PROSER2: variants seen among roughly 807,000 people sequenced by gnomAD.
PROSER2 encodes the protein proline and serine-rich protein 2.
In PROSER2, 18 loss-of-function variants were observed where a neutral mutation model predicts 14.6. The ratio of observed to expected loss-of-function variants is 1.23; its 90% confidence interval spans 0.85 to 1.83. The LOEUF is 1.83. Among genes scored for constraint, PROSER2 ranks in the 40% most tolerant of loss-of-function variants. The pLI, the probability that PROSER2 is intolerant of heterozygous loss-of-function variation, is 0.00. For missense variants in PROSER2, 823 were observed against 629.8 expected (o/e 1.31, Z -3.28); for synonymous variants, 367 against 286.4 (o/e 1.28, Z -2.84).
In PROSER2 at chr10:11,838,335, A is replaced by G. The variant is rs756447008; in HGVS notation, c.-81-13662A>G. On this transcript the variant is annotated intron_variant, in intron 1 of 3. Coordinates refer to ENST00000277570, the MANE Select transcript of PROSER2 (RefSeq NM_153256.4). The surrounding 1 kb of genome is among the most constrained non-coding windows in gnomAD (Gnocchi z 4.4). ...CATTGAGTGCTTTGAAGGTCTGTGC[A>G]TGGCCTCATCCAGCTGATCTAACTG... Among the ~76,000 whole-genome samples the G allele has an allele frequency of 1.3e-5, 2 of 152,254 alleles. No individual in the cohort carries two copies. Among genetic ancestry groups the G allele is most frequent in the Non-Finnish European group, 2.9e-5 (2 of 68,050 alleles).
chr10:11,866,568 A>C lies in PROSER2; in HGVS notation c.176A>C (p.Lys59Thr), dbSNP rs769916037. 1.9e-6 allele frequency: 3 copies of C among 1,614,182 alleles called. No individual in the cohort carries two copies. The highest frequency in any genetic ancestry group is 2.5e-6 in the Non-Finnish European group (3 of 1,180,024). Residue 59 changes from lysine (K) to threonine (T), a missense_variant, in exon 3 of 4, where the codon AAG (lysine) becomes ACG (threonine). Transcript: ENST00000277570. The surrounding 1 kb of genome is among the most constrained non-coding windows in gnomAD (Gnocchi z 6.0). The part of the protein sequence containing the change: ...ESLKYLTHEE[K>T]DVLLFFEETI... ...CTGAAGTACCTCACCCATGAGGAAA[A>C]GGATGTGCTCCTGTTTTTTGAAGAG...
rs200497170 is a variant in PROSER2 at position 11,866,596 on chromosome 10, G to A, written c.204G>A (p.Thr68=). The part of the protein sequence containing the change: ...EKDVLLFFEE[T]IDSLDEDFEE... ...ATGTGCTCCTGTTTTTTGAAGAGAC[G>A]ATTGACTCCCTAGACGAGGACTTTG... The change falls in exon 3 of 4, where the codon ACG becomes ACA. Residue 68 remains threonine (T), a synonymous_variant. Coordinates refer to ENST00000277570, the MANE Select transcript of PROSER2 (RefSeq NM_153256.4). This position sits in a 1 kb window ranked among gnomAD's most constrained non-coding sequence, Gnocchi z 6.0. The A allele has an allele frequency of 5.7e-5, 92 of 1,614,190 alleles. No homozygotes were observed. The highest frequency in any genetic ancestry group is 2.0e-4 in the East Asian group (9 of 44,890).
chr10:11,842,523 C>G (rs761933829), intron 1 of PROSER2, among the ~76,000 whole-genome samples: 5 of 151,962 alleles, frequency 3.3e-5, no homozygotes, highest in Non-Finnish European at 7.4e-5. Context: ...CTCCAAAACT[C>G]AAATCCCCTC....
chr10:11,857,319 A>C (rs1410178830), intron 2 of PROSER2: 3 of 152,222 alleles, frequency 2.0e-5, no homozygotes, highest in Non-Finnish European at 4.4e-5. Flanking sequence ...TTGTGAAGCC[A>C]TTATTCTTTG....
intron 1 of PROSER2, among the ~76,000 whole-genome samples, chr10:11,832,379 C>T (rs759617133): frequency 6.6e-6 from 1 of 152,144 alleles, no homozygotes; most frequent in Non-Finnish European, 1.5e-5. Context: ...GTAGTTGCTT[C>T]ATATGCTTCA....
At chr10:11,857,740 A>G (rs1834148602) in intron 2 of PROSER2, among the ~76,000 whole-genome samples, 2 of 53,732 alleles carry the variant, frequency 3.7e-5, no homozygotes, top group African/African-American at 6.6e-5. Context: ...TGGAGACCCC[A>G]TCTAAAAAAA....
In PROSER2 at chr10:11,851,378, A is replaced by G. The variant is rs577495091; in HGVS notation, c.-81-619A>G. ...CTTTTGATGTACACATTGCAATAGC[A>G]TGAGGCTTCCATAGAGTCTTCAGTT... On this transcript the variant is annotated intron_variant, in intron 1 of 3. Coordinates refer to ENST00000277570, the MANE Select transcript of PROSER2 (RefSeq NM_153256.4). 19 of 152,344 alleles carry G rather than the reference A, an allele frequency of 1.2e-4. No individual in the cohort carries two copies. The East Asian group carries it at 3.7e-3, about 29-fold the overall frequency. The allele number at this position is 152,344 out of a possible 1,614,324, so 9.4% of individuals were successfully genotyped here. A position where few individuals can be genotyped will look rare whatever the true frequency, so the allele number is the denominator to read the frequency against.
intron 1 of PROSER2, among the ~76,000 whole-genome samples, chr10:11,840,971 T>TG (rs1396577067): frequency 3.2e-4 from 27 of 84,540 alleles, no homozygotes; most frequent in African/African-American, 1.5e-3. Flanking sequence ...TATATATATA[T>TG]ATATATATAT....
At chr10:11,835,234 C>G (rs1833744796) in intron 1 of PROSER2, among the ~76,000 whole-genome samples, 1 of 151,990 alleles carries the variant, frequency 6.6e-6, no homozygotes, top group Admixed American at 6.6e-5. Flanking sequence ...TCTAGGAGCC[C>G]CAGCTCCTCT....
intron 1 of PROSER2, among the ~76,000 whole-genome samples, chr10:11,827,732 G>A (rs1338059652): frequency 6.7e-6 from 1 of 148,296 alleles, no homozygotes; most frequent in Admixed American, 6.8e-5. Context: ...AAACTGGAAT[G>A]CAGTGGCACA....
At position 11,837,849 on chromosome 10, in the gene PROSER2, T is replaced by C. The variant is rs1265372609; in HGVS notation, c.-81-14148T>C. The stretch of plus-strand genomic sequence containing the variant: ...GTTGGGTTAACCGTTCCCTGGTTAG[T>C]TTTGAGCTGAACTGTGATGCTAGAA... On this transcript the variant is annotated intron_variant, in intron 1 of 3. Coordinates refer to ENST00000277570, the MANE Select transcript of PROSER2 (RefSeq NM_153256.4). This position sits in a 1 kb window ranked among gnomAD's most constrained non-coding sequence, Gnocchi z 4.6. Among the ~76,000 whole-genome samples, 1 of 152,196 alleles carries C rather than the reference T, an allele frequency of 6.6e-6. No homozygotes were observed. Among genetic ancestry groups the C allele is most frequent in the Non-Finnish European group, 1.5e-5 (1 of 68,038 alleles).
At chr10:11,853,317 G>A (rs1223410255) in intron 2 of PROSER2, among the ~76,000 whole-genome samples, 1 of 152,190 alleles carries the variant, frequency 6.6e-6, no homozygotes, top group Non-Finnish European at 1.5e-5. Context: ...GCCGGGCACA[G>A]TGGCTCACGC....
chr10:11,826,047 A>G (rs1833607643), intron 1 of PROSER2, among the ~76,000 whole-genome samples: 1 of 151,916 alleles, frequency 6.6e-6, no homozygotes, highest in African/African-American at 2.4e-5. Context: ...GCCCTCTCCC[A>G]ACCTCTGGCA....
intron 2 of PROSER2, among the ~76,000 whole-genome samples, chr10:11,859,618 C>T (rs966269441): frequency 2.0e-5 from 3 of 152,218 alleles, no homozygotes; most frequent in African/African-American, 7.2e-5. Context: ...GCAAACGCCT[C>T]TTCCAACAGC....
intron 2 of PROSER2, among the ~76,000 whole-genome samples, chr10:11,854,744 A>T (rs1028638714): frequency 6.6e-6 from 1 of 151,976 alleles, no homozygotes; most frequent in African/African-American, 2.4e-5. Context: ...TTTTCCTACT[A>T]AAGTTTTTTA....
chr10:11,872,094 TAC>T lies in PROSER2; in HGVS notation c.*1690_*1691del, dbSNP rs1297351693. 2.6e-5 allele frequency: 4 copies of T among 152,212 alleles called. No homozygotes were observed. Among genetic ancestry groups the T allele is most frequent in the Admixed American group, 1.3e-4 (2 of 15,268 alleles). The allele number at this position is 152,212 out of a possible 1,614,324, so 9.4% of individuals were successfully genotyped here. On this transcript the variant is annotated 3_prime_UTR_variant, in exon 4 of 4. Coordinates refer to ENST00000277570, the MANE Select transcript of PROSER2 (RefSeq NM_153256.4). ...TTGCTCTTTACAAGGCAAGATGCCA[TAC>T]AGTGTTCAATAATAGAAGGTCTTGA...
chr10:11,867,976 G>A (rs1834388360), intron 3 of PROSER2, among the ~76,000 whole-genome samples: 1 of 152,278 alleles, frequency 6.6e-6, no homozygotes, highest in Non-Finnish European at 1.5e-5. Flanking sequence ...GAAATAAAGT[G>A]TGTACACGTG....
Position 11,866,606 on chromosome 10 carries a change from C to T in PROSER2, c.214C>T (p.Leu72=), listed in dbSNP as rs1834352933. The T allele has an allele frequency of 1.9e-6, 3 of 1,614,100 alleles. No individual in the cohort carries two copies. The highest frequency in any genetic ancestry group is 1.7e-6 in the Non-Finnish European group (2 of 1,180,036). ...GTTTTTTGAAGAGACGATTGACTCC[C>T]TAGACGAGGACTTTGAGGAGCCAGT... ...LLFFEETIDS[L]DEDFEEPVLC... Residue 72 remains leucine (L), a synonymous_variant, in exon 3 of 4, where the codon CTA becomes TTA. Coordinates refer to ENST00000277570, the MANE Select transcript of PROSER2 (RefSeq NM_153256.4). The surrounding 1 kb of genome is among the most constrained non-coding windows in gnomAD (Gnocchi z 6.0).
Position 11,869,400 on chromosome 10 carries a change from T to G in PROSER2, c.392-90T>G. ...CGGCGAAGTTGGTGTCAGGTCCAGGTTGAGGCTCTTTTCAGTTCAGCGAGA... is the reference window on the plus strand; with the variant it reads ...CGGCGAAGTTGGTGTCAGGTCCAGGGTGAGGCTCTTTTCAGTTCAGCGAGA... On this transcript the variant is annotated intron_variant, in intron 3 of 3. Coordinates refer to ENST00000277570, the MANE Select transcript of PROSER2 (RefSeq NM_153256.4). This position sits in a 1 kb window ranked among gnomAD's most constrained non-coding sequence, Gnocchi z 4.4. 1 of 979,814 alleles carries G rather than the reference T, an allele frequency of 1.0e-6. No individual in the cohort carries two copies. The highest frequency in any genetic ancestry group is 1.6e-5 in the African/African-American group (1 of 62,468). 60.7% of individuals were successfully genotyped at this position (979,814 alleles called of 1,614,324 possible).
Sources: gnomAD v4.1 joint callset for allele counts (sites outside exome capture counted in the v4.1 genomes callset) on GRCh38, gnomAD v4.1.1 for gene constraint, Gnocchi (gnomAD v3.1) non-coding constraint, MANE v1.5 for transcripts, NCBI Gene and HGNC (gene_info 2026-07-23, HGNC 2026-07-21) for gene names.